The following PTPRD variants were observed in gnomAD, a reference collection of about 807,000 sequenced individuals.
PTPRD encodes the protein protein tyrosine phosphatase receptor type D.
In PTPRD, 34 loss-of-function variants were observed where a neutral mutation model predicts 214.5. That is an observed-to-expected ratio of 0.16 (90% CI 0.12 to 0.21). The LOEUF is 0.21. Ranked by LOEUF, PTPRD falls within the 10% of genes least tolerant of loss-of-function variation. The pLI is 1.00. For synonymous variants in PTPRD, 1,128 were observed against 845.7 expected (o/e 1.33, Z -5.79); for missense variants, 2,545 against 2,398.7 (o/e 1.06, Z -1.27).
Position 8,319,200 on chromosome 9 carries a change from G to A in PTPRD, c.5670+631C>T, listed in dbSNP as rs78774469. 7.4e-4 allele frequency among the ~76,000 whole-genome samples: 112 copies of A among 152,122 alleles called. 2 individuals carry two copies. The highest frequency in any genetic ancestry group is 2.8e-3 in the Admixed American group (42 of 15,246). ...ACACATATAAGTTGTATAATTTGGTGGCCTTTTGCAGAACATAAACTCTAT... is the reference window on the plus strand; with the variant it reads ...ACACATATAAGTTGTATAATTTGGTAGCCTTTTGCAGAACATAAACTCTAT... On this transcript the variant is annotated intron_variant, in intron 45 of 45. Coordinates refer to ENST00000381196, the MANE Select transcript of PTPRD (RefSeq NM_002839.4).
At chr9:9,653,910 T>C (rs891122947) in intron 7 of PTPRD, among the ~76,000 whole-genome samples, 10 of 152,306 alleles carry the variant, frequency 6.6e-5, no homozygotes, top group African/African-American at 2.4e-4. Context: ...GGAAGGCTTA[T>C]TTAAATGATG....
At chr9:10,275,354 C>T (rs2094620070) in intron 3 of PTPRD, among the ~76,000 whole-genome samples, 1 of 151,974 alleles carries the variant, frequency 6.6e-6, no homozygotes, top group Admixed American at 6.6e-5. Flanking sequence ...AAGATCTAAA[C>T]CTTTAGATAG....
At chr9:9,358,564 G>C (rs1005712045) in intron 9 of PTPRD, among the ~76,000 whole-genome samples, 1 of 151,144 alleles carries the variant, frequency 6.6e-6, no homozygotes, top group African/African-American at 2.4e-5. Flanking sequence ...CAATTAAGTT[G>C]CAATCCTGAG....
At chr9:10,404,394 C>A (rs1288509635) in intron 2 of PTPRD, among the ~76,000 whole-genome samples, 1 of 151,652 alleles carries the variant, frequency 6.6e-6, no homozygotes, top group Non-Finnish European at 1.5e-5. Context: ...CAGTTAAGAA[C>A]CCCTGCAGAG....
intron 5 of PTPRD, among the ~76,000 whole-genome samples, chr9:9,926,347 G>A (rs534375236): frequency 2.6e-5 from 4 of 152,170 alleles, no homozygotes; most frequent in African/African-American, 9.6e-5. Context: ...GACAGAAAGG[G>A]ATCATCATCA....
chr9:9,049,192 A>G (rs2099679762), intron 10 of PTPRD, among the ~76,000 whole-genome samples: 1 of 152,186 alleles, frequency 6.6e-6, no homozygotes, highest in Non-Finnish European at 1.5e-5. Flanking sequence ...CTGAAGAGTT[A>G]AGCCTTAAGG....
At chr9:9,592,777 G>T (rs2092868567) in intron 7 of PTPRD, among the ~76,000 whole-genome samples, 1 of 152,064 alleles carries the variant, frequency 6.6e-6, no homozygotes, top group South Asian at 2.1e-4. Context: ...GGGCATGGTG[G>T]CTCACACCTG....
chr9:8,886,277 A>G (rs1184752722), intron 11 of PTPRD, among the ~76,000 whole-genome samples: 1 of 152,176 alleles, frequency 6.6e-6, no homozygotes, highest in Non-Finnish European at 1.5e-5. Flanking sequence ...AGATATGCTT[A>G]ATGGTATTTC....
intron 10 of PTPRD, among the ~76,000 whole-genome samples, chr9:9,062,509 T>A (rs1408877473): frequency 1.3e-5 from 2 of 152,124 alleles, no homozygotes; most frequent in Admixed American, 6.5e-5. Flanking sequence ...AAAACAGGCA[T>A]TATCTTTTCT....
intron 43 of PTPRD, among the ~76,000 whole-genome samples, chr9:8,332,584 G>C (rs1404604301): frequency 6.6e-6 from 1 of 152,156 alleles, no homozygotes; most frequent in Non-Finnish European, 1.5e-5. Flanking sequence ...CTTTTTTAGA[G>C]TGATTAGGTA....
chr9:9,088,715 G>A (rs1306227307), intron 10 of PTPRD, among the ~76,000 whole-genome samples: 1 of 151,106 alleles, frequency 6.6e-6, no homozygotes, highest in Non-Finnish European at 1.5e-5. Flanking sequence ...GCCTTGCCTA[G>A]CTTGCTGAGA....
At chr9:8,699,902 C>G (rs72700380) in intron 12 of PTPRD, among the ~76,000 whole-genome samples, 171 of 152,288 alleles carry the variant, frequency 1.1e-3, no homozygotes, top group Non-Finnish European at 1.7e-3. Flanking sequence ...CTAAACATGG[C>G]CATTTTGTAG....
intron 2 of PTPRD, among the ~76,000 whole-genome samples, chr9:10,374,473 C>T (rs541529332): frequency 7.1e-4 from 108 of 152,100 alleles, no homozygotes; most frequent in African/African-American, 2.5e-3. Flanking sequence ...CGTGCTTGTT[C>T]TTTTCCACCC....
chr9:10,091,771 T>A (rs1340875760), intron 3 of PTPRD, among the ~76,000 whole-genome samples: 1 of 119,742 alleles, frequency 8.4e-6, no homozygotes, highest in Non-Finnish European at 1.7e-5. Context: ...TAAATAAGAA[T>A]ATGTATCTCA....
intron 13 of PTPRD, among the ~76,000 whole-genome samples, chr9:8,636,466 T>C (rs1052521882): frequency 1.2e-4 from 19 of 152,026 alleles, no homozygotes; most frequent in African/African-American, 4.6e-4. Flanking sequence ...GACAGACTAA[T>C]CCTAGGAATA....
intron 5 of PTPRD, among the ~76,000 whole-genome samples, chr9:9,899,801 A>G (rs967030812): frequency 8.5e-5 from 13 of 152,156 alleles, no homozygotes; most frequent in African/African-American, 3.1e-4. Flanking sequence ...AATCAACTTA[A>G]GTGTCCATCA....
chr9:10,241,649 G>T (rs933128279), intron 3 of PTPRD, among the ~76,000 whole-genome samples: 1 of 151,962 alleles, frequency 6.6e-6, no homozygotes, highest in Non-Finnish European at 1.5e-5. Flanking sequence ...CTACTTTACA[G>T]TGAGAAAAAG....
intron 3 of PTPRD, among the ~76,000 whole-genome samples, chr9:10,210,520 G>A (rs553179072): frequency 6.6e-6 from 1 of 151,626 alleles, no homozygotes; most frequent in Non-Finnish European, 1.5e-5. Flanking sequence ...TGCCAAGGAG[G>A]GGGGGCTTCT....
chr9:10,585,599 T>C (rs542578425), intron 2 of PTPRD, among the ~76,000 whole-genome samples: 10 of 152,222 alleles, frequency 6.6e-5, no homozygotes, highest in South Asian at 6.2e-4. Flanking sequence ...ACCTAAAATA[T>C]GTAATGTTTT....
Sources: gnomAD v4.1 joint callset for allele counts (sites outside exome capture counted in the v4.1 genomes callset) on GRCh38, gnomAD v4.1.1 for gene constraint, MANE v1.5 for transcripts, NCBI Gene and HGNC (gene_info 2026-07-23, HGNC 2026-07-21) for gene names.